ZFHX3: variants seen among roughly 807,000 people sequenced by gnomAD.
ZFHX3 encodes zinc finger homeobox 3, also known as zinc finger homeobox protein 3.
Under a neutral mutation model 279.1 loss-of-function variants are expected in ZFHX3, and 42 were observed. That is an observed-to-expected ratio of 0.15 (90% CI 0.12 to 0.19). The LOEUF (loss-of-function observed/expected upper bound fraction) is 0.19, where lower values mean the gene tolerates loss of function less well. Ranked by LOEUF, ZFHX3 falls within the 10% of genes least tolerant of loss-of-function variation. The pLI is 1.00. For missense variants in ZFHX3, 4,981 were observed against 4,754.0 expected (o/e 1.05, Z -1.40); for synonymous variants, 2,293 against 1,957.8 (o/e 1.17, Z -4.52).
At chr16:73,085,644 G>T (rs568715510) in intron 8 of ZFHX3, among the ~76,000 whole-genome samples, 15 of 152,238 alleles carry the variant, frequency 9.9e-5, no homozygotes, top group African/African-American at 2.9e-4. Flanking sequence ...GAAGCATAAA[G>T]CTAGACCCCT....
chr16:73,557,640 G>A (rs1306833991), intron 2 of ZFHX3, among the ~76,000 whole-genome samples: 1 of 152,130 alleles, frequency 6.6e-6, no homozygotes, highest in African/African-American at 2.4e-5. Context: ...TAGCAGTGAG[G>A]ACGACCAGAG....
At chr16:72,839,117 C>T (rs1286742698) in intron 4 of ZFHX3, among the ~76,000 whole-genome samples, 2 of 152,130 alleles carry the variant, frequency 1.3e-5, no homozygotes, top group East Asian at 3.9e-4. Flanking sequence ...AAGGCAAATT[C>T]CCCGAGCATG....
intron 1 of ZFHX3, among the ~76,000 whole-genome samples, chr16:73,855,068 C>G (rs927506555): frequency 6.6e-6 from 1 of 151,782 alleles, no homozygotes; most frequent in African/African-American, 2.4e-5. Context: ...CAGCATGGAG[C>G]AAAATAAAAA....
intron 2 of ZFHX3, among the ~76,000 whole-genome samples, chr16:73,545,422 TTCGGCGTC>T (rs2020092322): frequency 6.6e-6 from 1 of 152,212 alleles, no homozygotes; most frequent in Non-Finnish European, 1.5e-5. Context: ...GCCTCCTGGC[TTCGGCGTC>T]TCTCTCCTAT....
At chr16:72,983,388 T>C (rs905315743) in intron 1 of ZFHX3, among the ~76,000 whole-genome samples, 3 of 152,124 alleles carry the variant, frequency 2.0e-5, no homozygotes, top group Non-Finnish European at 4.4e-5. Context: ...CCAGCTGGAA[T>C]GAGGGCAACC....
At chr16:73,047,468 T>C in intron 1 of ZFHX3, among the ~76,000 whole-genome samples, 1 of 151,844 alleles carries the variant, frequency 6.6e-6, no homozygotes, top group Admixed American at 6.6e-5. Flanking sequence ...GTACCACAAG[T>C]ATTCAGAAGG....
intron 1 of ZFHX3, among the ~76,000 whole-genome samples, chr16:73,753,986 A>ATGTGTGTGTGTG (rs1310925312): frequency 0.08 from 11,778 of 147,236 alleles, 570 homozygotes; most frequent in South Asian, 0.11. Flanking sequence ...GTAAGAATCA[A>ATGTGTGTGTGTG]TGTGTGTGTG....
chr16:72,918,955 C>G (rs1277596379), intron 3 of ZFHX3, among the ~76,000 whole-genome samples: 3 of 152,106 alleles, frequency 2.0e-5, no homozygotes, highest in Non-Finnish European at 2.9e-5. Flanking sequence ...CTCGGCCTCC[C>G]AAAGTGCTGG....
At chr16:73,730,181 G>T (rs1372251100) in intron 1 of ZFHX3, among the ~76,000 whole-genome samples, 2 of 151,926 alleles carry the variant, frequency 1.3e-5, no homozygotes, top group African/African-American at 4.8e-5. Flanking sequence ...AAAATTTGAT[G>T]GAATCTTACT....
chr16:73,256,946 T>C (rs552128051), intron 5 of ZFHX3: 1 of 152,202 alleles, frequency 6.6e-6, no homozygotes, highest in East Asian at 1.9e-4. Flanking sequence ...ATAATTATAA[T>C]GATGTGGATA....
chr16:73,142,294 C>T (rs1356177218), intron 6 of ZFHX3, among the ~76,000 whole-genome samples: 1 of 152,188 alleles, frequency 6.6e-6, no homozygotes, highest in African/African-American at 2.4e-5. Context: ...AAGGTCAGGA[C>T]CTCTGAGCCA....
At chr16:73,854,276 A>G (rs1412910980) in intron 1 of ZFHX3, among the ~76,000 whole-genome samples, 1 of 152,170 alleles carries the variant, frequency 6.6e-6, no homozygotes, top group African/African-American at 2.4e-5. Context: ...CTGTAATCCC[A>G]GAACTATGGG....
intron 2 of ZFHX3, among the ~76,000 whole-genome samples, chr16:73,667,095 G>A (rs1440076259): frequency 5.3e-5 from 8 of 150,098 alleles, no homozygotes; most frequent in Admixed American, 4.0e-4. Context: ...GGGTTCAAGC[G>A]ATTCTCCTGC....
chr16:72,876,454 G>A (rs1460102411), intron 4 of ZFHX3, among the ~76,000 whole-genome samples: 3 of 152,014 alleles, frequency 2.0e-5, no homozygotes, highest in Non-Finnish European at 4.4e-5. Flanking sequence ...TTCCCCAGTC[G>A]GCCCACCATC....
chr16:73,298,993 AG>A (rs1374119712), intron 4 of ZFHX3, among the ~76,000 whole-genome samples: 2 of 152,210 alleles, frequency 1.3e-5, no homozygotes, highest in Non-Finnish European at 2.9e-5. Flanking sequence ...GAGAACTACA[AG>A]GGGATGAAGT....
At chr16:73,314,161 T>C (rs894146697) in intron 4 of ZFHX3, among the ~76,000 whole-genome samples, 5 of 152,158 alleles carry the variant, frequency 3.3e-5, no homozygotes, top group African/African-American at 1.2e-4. Flanking sequence ...GTGGGTCTCA[T>C]CTAATCAGTG....
intron 5 of ZFHX3, among the ~76,000 whole-genome samples, chr16:73,206,946 A>G (rs962699693): frequency 5.9e-5 from 9 of 151,974 alleles, no homozygotes; most frequent in African/African-American, 2.2e-4. Context: ...TGAACCTGAG[A>G]GGTGGAGGTT....
At chr16:73,410,847 G>A (rs754480918) in intron 3 of ZFHX3, among the ~76,000 whole-genome samples, 4 of 152,294 alleles carry the variant, frequency 2.6e-5, no homozygotes, top group East Asian at 1.9e-4. Flanking sequence ...TCTCCTTCCC[G>A]TAACAACCCA....
chr16:73,485,755 C>T (rs962245846), intron 2 of ZFHX3, among the ~76,000 whole-genome samples: 1 of 152,226 alleles, frequency 6.6e-6, no homozygotes, highest in Admixed American at 6.5e-5. Flanking sequence ...CAGGTCTGCA[C>T]ACATCCCTTG....
Sources: gnomAD v4.1 joint callset for allele counts (sites outside exome capture counted in the v4.1 genomes callset) on GRCh38, gnomAD v4.1.1 for gene constraint, MANE v1.5 for transcripts, NCBI Gene and HGNC (gene_info 2026-07-23, HGNC 2026-07-21) for gene names.